The following FOXO1 variants were observed in gnomAD, a reference collection of about 807,000 sequenced individuals.
The protein encoded by FOXO1 is forkhead box O1, also known as forkhead box protein O1.
Under a neutral mutation model 44.1 loss-of-function variants are expected in FOXO1, and 6 were observed. The observed-to-expected ratio is 0.14, with a 90% CI of 0.07 to 0.27. FOXO1 has a LOEUF of 0.27. Among genes scored for constraint, FOXO1 ranks in the 10% least tolerant of loss-of-function variants. The probability of loss-of-function intolerance (pLI) is 1.00; values close to 1 mark genes in which losing one functional copy is unlikely to be tolerated. For missense variants in FOXO1, 737 were observed against 888.8 expected, an observed-to-expected ratio of 0.83 and a Z score of 2.17; for synonymous variants, 380 against 362.7, an observed-to-expected ratio of 1.05 and a Z score of -0.54.
intron 1 of FOXO1, among the ~76,000 whole-genome samples, chr13:40,625,483 A>C (rs1258013380): frequency 7.9e-5 from 12 of 152,196 alleles, no homozygotes; most frequent in Admixed American, 7.9e-4. Context: ...AACACTGAAG[A>C]CAGCAAGAGC....
intron 1 of FOXO1, among the ~76,000 whole-genome samples, chr13:40,562,498 T>A (rs1195458382): frequency 6.6e-6 from 1 of 152,170 alleles, no homozygotes; most frequent in Non-Finnish European, 1.5e-5. Context: ...TACAGAGCCT[T>A]ATCAGGGTTG....
intron 1 of FOXO1, among the ~76,000 whole-genome samples, chr13:40,655,788 A>T (rs1450299523): frequency 6.6e-6 from 1 of 151,944 alleles, no homozygotes; most frequent in African/African-American, 2.4e-5. Flanking sequence ...GACCACAGGC[A>T]TGCACCATCA....
In FOXO1 at chr13:40,560,712, T is replaced by C. The variant is rs1319703616; in HGVS notation, c.779A>G (p.Asn260Ser). ...PRRRAASMDNNSKFAKSRSRA... is the reference protein window; with the variant it reads ...PRRRAASMDNSSKFAKSRSRA... ...GCTTCGGCTCTTAGCAAATTTACTG[T>C]TGTTGTCCATGGATGCAGCTCTTCT... The change falls in exon 2 of 3, where the codon AAC (asparagine) becomes AGC (serine). Residue 260 changes from asparagine to serine, a missense_variant. Asn to Ser is a conservative substitution (Grantham distance 46). Coordinates refer to ENST00000379561, the MANE Select transcript of FOXO1 (RefSeq NM_002015.4). This position sits in a 1 kb window ranked among gnomAD's most constrained non-coding sequence, Gnocchi z 5.1. 6.2e-7 allele frequency: 1 copy of C among 1,614,210 alleles called. No homozygotes were observed. The highest frequency in any genetic ancestry group is 1.7e-5 in the Admixed American group (1 of 60,026).
At chr13:40,629,999 T>C (rs1296093008) in intron 1 of FOXO1, among the ~76,000 whole-genome samples, 3 of 152,242 alleles carry the variant, frequency 2.0e-5, no homozygotes, top group South Asian at 2.1e-4. Flanking sequence ...TAAGAACCTT[T>C]AACTACATTA....
At chr13:40,622,683 G>C (rs1189918401) in intron 1 of FOXO1, among the ~76,000 whole-genome samples, 1 of 152,152 alleles carries the variant, frequency 6.6e-6, no homozygotes, top group Non-Finnish European at 1.5e-5. Context: ...ACTTGCTTCA[G>C]GCTTGTCATG....
intron 1 of FOXO1, among the ~76,000 whole-genome samples, chr13:40,565,603 C>G (rs1874236211): frequency 6.6e-6 from 1 of 152,166 alleles, no homozygotes; most frequent in Non-Finnish European, 1.5e-5. Context: ...GCACAGGGAC[C>G]TTTGTCTGTC....
chr13:40,662,910 T>C (rs974068085), intron 1 of FOXO1, among the ~76,000 whole-genome samples: 5 of 152,254 alleles, frequency 3.3e-5, no homozygotes, highest in African/African-American at 1.2e-4. Flanking sequence ...CTTTCAGATC[T>C]GAGAGTGAAA....
intron 1 of FOXO1, among the ~76,000 whole-genome samples, chr13:40,599,494 T>C (rs911964646): frequency 1.3e-5 from 2 of 152,228 alleles, no homozygotes; most frequent in African/African-American, 4.8e-5. Flanking sequence ...GTTTTGTACG[T>C]GGACCCTGTG....
At chr13:40,626,338 C>A (rs962150898) in intron 1 of FOXO1, among the ~76,000 whole-genome samples, 1 of 152,206 alleles carries the variant, frequency 6.6e-6, no homozygotes, top group African/African-American at 2.4e-5. Context: ...TGGTCTCAGG[C>A]AGTTGTGATG....
intron 1 of FOXO1, among the ~76,000 whole-genome samples, chr13:40,609,545 C>T (rs566510156): frequency 6.6e-6 from 1 of 152,110 alleles, no homozygotes; most frequent in Non-Finnish European, 1.5e-5. Flanking sequence ...AAAATGAAGG[C>T]TAATTTCTTC....
chr13:40,563,798 T>C (rs559198945), intron 1 of FOXO1, among the ~76,000 whole-genome samples: 30 of 152,292 alleles, frequency 2.0e-4, no homozygotes, highest in African/African-American at 6.5e-4. Flanking sequence ...CACAGCCTTG[T>C]CTGCTGTACC....
chr13:40,611,313 T>C (rs1358562230), intron 1 of FOXO1, among the ~76,000 whole-genome samples: 5 of 152,218 alleles, frequency 3.3e-5, no homozygotes, highest in African/African-American at 1.2e-4. Context: ...GGTTCAGACA[T>C]TATTTAAAAC....
At chr13:40,631,955 A>T (rs998800897) in intron 1 of FOXO1, among the ~76,000 whole-genome samples, 2 of 152,202 alleles carry the variant, frequency 1.3e-5, no homozygotes, top group African/African-American at 4.8e-5. Flanking sequence ...TTTTAAAAAA[A>T]TAGGACACTA....
At position 40,624,317 on chromosome 13, in the gene FOXO1, TAAAAAAAAAA is replaced by T. The variant is rs10552634; in HGVS notation, c.630+41256_630+41265del. The stretch of plus-strand genomic sequence containing the variant: ...AAAGCTCTTAAAAACTAATACTGCT[TAAAAAAAAAA>T]AAAAAAAAAAAAGATCACTCAGGAC... On this transcript the variant is annotated intron_variant, in intron 1 of 2. Transcript: ENST00000379561. Among the ~76,000 whole-genome samples, 98 of 100,976 alleles carry T rather than the reference TAAAAAAAAAA, an allele frequency of 9.7e-4. 1 individual carries two copies. Among genetic ancestry groups the T allele is most frequent in the Middle Eastern group, 0.012 (2 of 162 alleles). 66.2% of individuals were successfully genotyped at this position (100,976 alleles called of 152,430 possible).
intron 1 of FOXO1, among the ~76,000 whole-genome samples, chr13:40,617,957 C>CACAT (rs1350143066): frequency 6.6e-6 from 1 of 152,234 alleles, no homozygotes; most frequent in Admixed American, 6.5e-5. Flanking sequence ...CCAGATCCCA[C>CACAT]ACATACCTCA....
intron 1 of FOXO1, among the ~76,000 whole-genome samples, chr13:40,650,739 T>C (rs896975224): frequency 6.6e-6 from 1 of 152,170 alleles, no homozygotes; most frequent in African/African-American, 2.4e-5. Flanking sequence ...TGTTTAGCTT[T>C]GGTTTTTGTT....
In FOXO1 at chr13:40,560,312, G is replaced by A; in HGVS notation, c.1179C>T (p.Ser393=). The change falls in exon 2 of 3, where the codon TCC becomes TCT. Residue 393 remains serine, a synonymous_variant. Coordinates refer to ENST00000379561, the MANE Select transcript of FOXO1 (RefSeq NM_002015.4). This position sits in a 1 kb window ranked among gnomAD's most constrained non-coding sequence, Gnocchi z 5.1. Reference sequence around the variant, plus strand: ...TCTGCTGCATCATGGTGCCAGGTGAGGACTGGGTCGAAACAGTTAATGATG... The same window carrying A: ...TCTGCTGCATCATGGTGCCAGGTGAAGACTGGGTCGAAACAGTTAATGATG... ...SPTSLTVSTQ[S]SPGTMMQQTP... The A allele has an allele frequency of 6.2e-7, 1 of 1,614,160 alleles. No homozygotes were observed. The highest frequency in any genetic ancestry group is 1.3e-5 in the African/African-American group (1 of 75,022).
rs184248022 is a variant in FOXO1, at chr13:40,570,265, G to A, written c.631-9405C>T. On this transcript the variant is annotated intron_variant, in intron 1 of 2. Coordinates refer to ENST00000379561, the MANE Select transcript of FOXO1 (RefSeq NM_002015.4). ...GCGGAGGTTGCAGTAAGCCAAGATC[G>A]CGCCACTGCACTCCAGCCCGGCAAC... Among the ~76,000 whole-genome samples, 133 of 151,494 alleles carry A rather than the reference G, an allele frequency of 8.8e-4. 1 individual carries two copies. The highest frequency in any genetic ancestry group is 6.8e-3 in the Middle Eastern group (2 of 294).
At chr13:40,581,722 C>T (rs1874962838) in intron 1 of FOXO1, among the ~76,000 whole-genome samples, 1 of 152,144 alleles carries the variant, frequency 6.6e-6, no homozygotes, top group African/African-American at 2.4e-5. Flanking sequence ...CCTGATTTAA[C>T]TATTAAGTAT....
Sources: gnomAD v4.1 joint callset for allele counts (sites outside exome capture counted in the v4.1 genomes callset) on GRCh38, gnomAD v4.1.1 for gene constraint, Gnocchi (gnomAD v3.1) non-coding constraint, MANE v1.5 for transcripts, NCBI Gene and HGNC (gene_info 2026-07-23, HGNC 2026-07-21) for gene names.